GUCY2C: variants seen among roughly 807,000 people sequenced by gnomAD.
GUCY2C encodes the protein guanylate cyclase 2C, also known as guanylyl cyclase C.
Under a neutral mutation model 131.1 loss-of-function variants are expected in GUCY2C, and 118 were observed. That is an observed-to-expected ratio of 0.90 (90% CI 0.78 to 1.05). The LOEUF is 1.05. Ranked by LOEUF, GUCY2C falls within the 50% of genes least tolerant of loss-of-function variation. The pLI, the probability that GUCY2C is intolerant of heterozygous loss-of-function variation, is 0.00. For missense variants in GUCY2C, 1,161 were observed against 1,304.4 expected (o/e 0.89, Z 1.69); for synonymous variants, 452 against 457.8 (o/e 0.99, Z 0.16).
Position 14,696,414 on chromosome 12 carries a change from G to T in GUCY2C, c.35C>A (p.Ser12Ter). The T allele has an allele frequency of 1.2e-6, 2 of 1,613,950 alleles. No individual in the cohort carries two copies. The highest frequency in any genetic ancestry group is 2.2e-5 in the South Asian group (2 of 91,022). ...KTLLLDLALW[S>*]LLFQPGWLSF... ...CAGCCACCCGGGCTGGAAGAGCAGT[G>T]ACCACAAAGCCAAGTCCAACAGCAA... is the stretch of plus-strand genomic sequence containing the variant. Residue 12 changes from serine (S) to a stop codon, truncating the protein, a stop_gained, in exon 1 of 27, where the codon TCA becomes TAA. Coordinates refer to ENST00000261170, the MANE Select transcript of GUCY2C (RefSeq NM_004963.4). LOFTEE classifies it high-confidence loss of function.
intron 2 of GUCY2C, among the ~76,000 whole-genome samples, chr12:14,686,874 G>A (rs932054636): frequency 2.6e-5 from 4 of 152,166 alleles, no homozygotes; most frequent in Admixed American, 2.0e-4. Flanking sequence ...GGTAGCCATT[G>A]TTCCTGATGG....
intron 8 of GUCY2C, 113 bp from the exon 9 acceptor site, chr12:14,673,071 T>C: frequency 1.5e-6 from 1 of 671,144 alleles, no homozygotes; most frequent in East Asian, 2.6e-5. Context: ...TCAAATTTAC[T>C]GAAAACATTG....
intron 15 of GUCY2C, among the ~76,000 whole-genome samples, chr12:14,646,520 T>C (rs1426979258): frequency 6.6e-6 from 1 of 152,140 alleles, no homozygotes; most frequent in Non-Finnish European, 1.5e-5. Flanking sequence ...AGCATATTAT[T>C]CTGTTTTGAT....
At chr12:14,645,409 A>C in intron 15 of GUCY2C, 94 bp from the exon 16 acceptor site, 1 of 645,120 alleles carries the variant, frequency 1.6e-6, no homozygotes, top group Non-Finnish European at 2.7e-6. Flanking sequence ...TCAAATTATG[A>C]AACCTTAGGA....
In GUCY2C at chr12:14,658,864, A is replaced by G. The variant is rs115760978; in HGVS notation, c.1364+2117T>C. Among the ~76,000 whole-genome samples, 695 of 151,110 alleles carry G rather than the reference A, an allele frequency of 4.6e-3. 7 individuals are homozygous for G. Among genetic ancestry groups the G allele is most frequent in the African/African-American group, 0.016 (658 of 41,342 alleles). Reference sequence around the variant, plus strand: ...TAGATATATAATAATAATAAAATACAACATAATACAATATAATAATAAAAA... The same window carrying G: ...TAGATATATAATAATAATAAAATACGACATAATACAATATAATAATAAAAA... On this transcript the variant is annotated intron_variant, in intron 11 of 26. Coordinates refer to ENST00000261170, the MANE Select transcript of GUCY2C (RefSeq NM_004963.4).
chr12:14,656,337 C>A (rs1431395850), intron 12 of GUCY2C, among the ~76,000 whole-genome samples, 175 bp downstream of exon 12: 2 of 152,164 alleles, frequency 1.3e-5, no homozygotes, highest in Non-Finnish European at 2.9e-5. Flanking sequence ...AACTAGTTGA[C>A]ATGTAGGAGA....
In GUCY2C at chr12:14,672,933, A is replaced by G; in HGVS notation, c.1110T>C (p.Asp370=). 6.2e-7 allele frequency: 1 copy of G among 1,608,024 alleles called. No homozygotes were observed. Among genetic ancestry groups the G allele is most frequent in the Non-Finnish European group, 8.5e-7 (1 of 1,174,420 alleles). ...TGGTACTGTCAACATCCCCCCAGTCATCCAAGGTCACTGGACCGTCATACC... is the reference window on the plus strand; with the variant it reads ...TGGTACTGTCAACATCCCCCCAGTCGTCCAAGGTCACTGGACCGTCATACC... ...FEGYDGPVTL[D]DWGDVDSTMV... Residue 370 remains aspartate, a synonymous_variant, in exon 9 of 27, where the codon GAT becomes GAC. Transcript: ENST00000261170.
chr12:14,678,392 A>T (rs1473491462), intron 6 of GUCY2C, among the ~76,000 whole-genome samples: 2 of 152,226 alleles, frequency 1.3e-5, no homozygotes, highest in Non-Finnish European at 1.5e-5. Flanking sequence ...AAGGAATGCC[A>T]GCACTTTGGT....
intron 19 of GUCY2C, among the ~76,000 whole-genome samples, chr12:14,636,249 T>C (rs796790157): frequency 1.9e-4 from 29 of 152,214 alleles, no homozygotes; most frequent in African/African-American, 6.3e-4. Flanking sequence ...ATCAAAAAGA[T>C]AATACGCCAT....
intron 16 of GUCY2C, among the ~76,000 whole-genome samples, chr12:14,644,154 C>G (rs34695136): frequency 0.015 from 2,325 of 152,174 alleles, 41 homozygotes; most frequent in Non-Finnish European, 0.022. Context: ...GTGGTTTCAT[C>G]CTATTTTGAA....
intron 5 of GUCY2C, 86 bp from the exon 6 acceptor site, chr12:14,679,839 A>G: frequency 1.4e-6 from 1 of 717,190 alleles, no homozygotes. Context: ...ATTTGAATCC[A>G]GTATGTTAAT....
At position 14,651,416 on chromosome 12, in the gene GUCY2C, T is replaced by A. The variant is rs566029754; in HGVS notation, c.1701A>T (p.Gly567=). The change falls in exon 15 of 27, where the codon GGA becomes GGT. Residue 567 remains glycine, a synonymous_variant. Transcript: ENST00000261170. ...IFGVIEYCER[G]SLREVLNDTI... ...GACCATGGTTTCTTACCCGGAGGGA[T>A]CCTCTCTCACAGTATTCTATCACCC... 5 of 1,513,006 alleles carry A rather than the reference T, an allele frequency of 3.3e-6. No individual in the cohort carries two copies. The South Asian group carries it at 4.5e-5, about 14-fold the overall frequency. 93.7% of individuals were successfully genotyped at this position (1,513,006 alleles called of 1,614,324 possible).
intron 7 of GUCY2C, among the ~76,000 whole-genome samples, 177 bp downstream of exon 7, chr12:14,676,677 T>C (rs183208082): frequency 1.7e-4 from 26 of 152,358 alleles, no homozygotes; most frequent in South Asian, 6.2e-4. Context: ...GGGATCCTGC[T>C]GTTTCAAAAT....
chr12:14,650,562 A>G (rs1483425299), intron 15 of GUCY2C, among the ~76,000 whole-genome samples: 1 of 152,062 alleles, frequency 6.6e-6, no homozygotes. Context: ...ATTATTTTTT[A>G]AGAACTTTTA....
chr12:14,614,993 G>C (rs769487677), intron 25 of GUCY2C, 50 bp from the exon 26 acceptor site: 2 of 909,154 alleles, frequency 2.2e-6, no homozygotes, highest in East Asian at 2.7e-5. Context: ...AGTCAGTTCA[G>C]TTGTAGACCA....
intron 15 of GUCY2C, among the ~76,000 whole-genome samples, chr12:14,647,420 A>G (rs778799888): frequency 2.0e-5 from 3 of 152,160 alleles, no homozygotes; most frequent in Non-Finnish European, 2.9e-5. Context: ...GAATTTATAC[A>G]TTTTCAATGT....
Position 14,651,471 on chromosome 12 carries a change from C to T in GUCY2C, c.1646G>A (p.Gly549Asp). The T allele has an allele frequency of 6.2e-7, 1 of 1,609,034 alleles. No individual in the cohort carries two copies. The highest frequency in any genetic ancestry group is 8.5e-7 in the Non-Finnish European group (1 of 1,175,434). The change falls in exon 15 of 27, where the codon GGC (glycine) becomes GAC (aspartate). Residue 549 changes from glycine to aspartate, a missense_variant. Coordinates refer to ENST00000261170, the MANE Select transcript of GUCY2C (RefSeq NM_004963.4). The part of the protein sequence containing the change: ...IDYYNLTKFY[G>D]TVKLDTMIFG... ...GATCATGGTATCAAGTTTCACTGTG[C>T]CGTAGAACTTGGTCAGGTTGTAATA... is the stretch of plus-strand genomic sequence containing the variant.
intron 8 of GUCY2C, among the ~76,000 whole-genome samples, chr12:14,673,823 G>A (rs918965795): frequency 6.6e-6 from 1 of 152,122 alleles, no homozygotes; most frequent in Non-Finnish European, 1.5e-5. Context: ...CACATGGGAT[G>A]ACCAACAAAT....
intron 2 of GUCY2C, among the ~76,000 whole-genome samples, chr12:14,686,741 C>T (rs1948478286): frequency 6.6e-6 from 1 of 152,118 alleles, no homozygotes. Flanking sequence ...TTTGGAGAAC[C>T]AGGTTATACC....
Sources: allele counts gnomAD v4.1 joint callset (sites outside exome capture counted in the v4.1 genomes callset), GRCh38; gene constraint gnomAD v4.1.1; transcripts MANE v1.5; gene names NCBI Gene and HGNC (gene_info 2026-07-23, HGNC 2026-07-21).